MEI1: variants seen among roughly 807,000 people sequenced by gnomAD.
MEI1 encodes the protein meiosis inhibitor protein 1.
MEI1 carries 103 observed loss-of-function variants against 146.2 expected under a neutral mutation model. That is an observed-to-expected ratio of 0.70 (90% CI 0.60 to 0.83). The LOEUF is 0.83. MEI1 is among the 40% of genes least tolerant of loss of function. The pLI, the probability that MEI1 is intolerant of heterozygous loss-of-function variation, is 0.00. For missense variants in MEI1, 1,529 were observed against 1,533.0 expected (o/e 1.00, Z 0.04); for synonymous variants, 652 against 628.2 (o/e 1.04, Z -0.57).
intron 3 of MEI1, among the ~76,000 whole-genome samples, chr22:41,710,226 A>T (rs952306803): frequency 6.6e-6 from 1 of 152,156 alleles, no homozygotes; most frequent in African/African-American, 2.4e-5. Flanking sequence ...GCAAGCCAGG[A>T]AGAGAGGCCT....
rs539346432 is a variant in MEI1, at chr22:41,753,942, C to T, written c.1854-7C>T. 2 of 1,592,014 alleles carry T rather than the reference C, an allele frequency of 1.3e-6. No homozygotes were observed. The highest frequency in any genetic ancestry group is 1.1e-5 in the South Asian group (1 of 90,636). On this transcript the variant is annotated splice_region_variant and splice_polypyrimidine_tract_variant and intron_variant, in intron 16 of 30. Coordinates refer to ENST00000401548, the MANE Select transcript of MEI1 (RefSeq NM_152513.4). ...TCTCTTCTATTCTTTCTTCTTCTCC[C>T]TCTAAGTCACTCAGCCCTAAACCAG...
chr22:41,762,481 C>T (rs1405146335), intron 18 of MEI1, among the ~76,000 whole-genome samples: 1 of 151,836 alleles, frequency 6.6e-6, no homozygotes, highest in Non-Finnish European at 1.5e-5. Flanking sequence ...CTCCAGCGAT[C>T]CTCCCATCTC....
chr22:41,703,654 T>G (rs1055903720), intron 2 of MEI1, among the ~76,000 whole-genome samples, 200 bp downstream of exon 2: 1 of 152,202 alleles, frequency 6.6e-6, no homozygotes, highest in South Asian at 2.1e-4. Flanking sequence ...CTGACTTTAC[T>G]AGAGCCAAGA....
intron 24 of MEI1, 140 bp downstream of exon 24, chr22:41,781,985 T>G (rs1602132909): frequency 2.2e-6 from 2 of 904,454 alleles, no homozygotes; most frequent in Non-Finnish European, 3.3e-6. Context: ...GAGCTCAGTT[T>G]CCTTTCCTAC....
At chr22:41,735,360 G>C (rs1265037017) in intron 11 of MEI1, among the ~76,000 whole-genome samples, 1 of 145,544 alleles carries the variant, frequency 6.9e-6, no homozygotes, top group African/African-American at 2.5e-5. Flanking sequence ...ACAGCCTCCC[G>C]AGTAGCTGGG....
intron 18 of MEI1, among the ~76,000 whole-genome samples, chr22:41,760,513 A>G (rs4401299): frequency 0.64 from 96,938 of 151,716 alleles, 34,121 homozygotes; most frequent in East Asian, 0.92. Flanking sequence ...TGTCTCAAAA[A>G]ATAAATAATT....
intron 30 of MEI1, among the ~76,000 whole-genome samples, chr22:41,798,563 C>G (rs4581989): frequency 0.74 from 110,693 of 150,164 alleles, 41,263 homozygotes; most frequent in African/African-American, 0.84. Flanking sequence ...GGGCAACAGA[C>G]CAAGACTCCG....
intron 16 of MEI1, 95 bp from the exon 17 acceptor site, chr22:41,753,853 AC>A (rs2073929443): frequency 1.1e-6 from 1 of 876,590 alleles, no homozygotes; most frequent in East Asian, 2.4e-5. Context: ...AGCCTCTGGC[AC>A]AAAGCAGTGG....
chr22:41,750,359 G>C (rs1467621090), intron 15 of MEI1, among the ~76,000 whole-genome samples: 2 of 152,188 alleles, frequency 1.3e-5, no homozygotes, highest in Non-Finnish European at 2.9e-5. Flanking sequence ...GAGTGTGAAA[G>C]GCATCCCAGA....
At chr22:41,732,693 G>T in intron 11 of MEI1, 90 bp downstream of exon 11, 1 of 1,383,800 alleles carries the variant, frequency 7.2e-7, no homozygotes, top group South Asian at 1.4e-5. Context: ...AGTATCCCTA[G>T]ATTACTTATA....
chr22:41,760,657 T>C (rs1298346195), intron 18 of MEI1, among the ~76,000 whole-genome samples: 1 of 152,152 alleles, frequency 6.6e-6, no homozygotes, highest in Non-Finnish European at 1.5e-5. Context: ...AAATCTGAGC[T>C]CTCCAAGTGC....
Position 41,776,239 on chromosome 22 carries a change from A to G in MEI1, c.2682A>G (p.Leu894=). Residue 894 remains leucine, a synonymous_variant, in exon 21 of 31, where the codon CTA becomes CTG. Coordinates refer to ENST00000401548, the MANE Select transcript of MEI1 (RefSeq NM_152513.4). ...TCCTGCTGATCCTGCAGCGTCTGCTAGTGGAGCATGGGGCATCCCCATCAG... is the reference window on the plus strand; with the variant it reads ...TCCTGCTGATCCTGCAGCGTCTGCTGGTGGAGCATGGGGCATCCCCATCAG... ...GHFLLILQRL[L]VEHGASPSGA... The G allele has an allele frequency of 6.2e-7, 1 of 1,613,822 alleles. No individual in the cohort carries two copies. The highest frequency in any genetic ancestry group is 8.5e-7 in the Non-Finnish European group (1 of 1,179,852).
At chr22:41,735,741 A>T (rs913626507) in intron 11 of MEI1, among the ~76,000 whole-genome samples, 1 of 152,162 alleles carries the variant, frequency 6.6e-6, no homozygotes, top group East Asian at 1.9e-4. Flanking sequence ...AGGTAACTGT[A>T]TCTGTTGACT....
intron 9 of MEI1, 50 bp downstream of exon 9, chr22:41,730,687 T>G (rs577862497): frequency 1.6e-6 from 2 of 1,238,752 alleles, no homozygotes; most frequent in Non-Finnish European, 2.4e-6. Context: ...GACGGCAGTT[T>G]GCACTTGGGT....
chr22:41,737,728 G>A (rs998099912), intron 11 of MEI1, among the ~76,000 whole-genome samples: 4 of 151,842 alleles, frequency 2.6e-5, no homozygotes, highest in East Asian at 3.9e-4. Context: ...TTTGTACCCC[G>A]CCTCCCCCCA....
At chr22:41,777,063 C>A (rs1211393167) in intron 21 of MEI1, among the ~76,000 whole-genome samples, 2 of 152,032 alleles carry the variant, frequency 1.3e-5, no homozygotes, top group Non-Finnish European at 2.9e-5. Context: ...GTGATCCGCC[C>A]ACCTCAGCCT....
At chr22:41,759,188 T>G (rs561558431) in intron 18 of MEI1, among the ~76,000 whole-genome samples, 26 of 151,844 alleles carry the variant, frequency 1.7e-4, no homozygotes, top group African/African-American at 6.3e-4. Context: ...TGTTCTTTCT[T>G]AAGCTGTAAG....
At chr22:41,742,430 C>T (rs144387608) in intron 11 of MEI1, among the ~76,000 whole-genome samples, 27 of 152,280 alleles carry the variant, frequency 1.8e-4, no homozygotes, top group African/African-American at 4.6e-4. Context: ...CTCTCCTCTG[C>T]GAGAAAACCT....
At position 41,732,269 on chromosome 22, in the gene MEI1, T is replaced by C; in HGVS notation, c.1121T>C (p.Leu374Pro). Residue 374 changes from leucine to proline, a missense_variant, in exon 10 of 31, where the codon CTG becomes CCG. Transcript: ENST00000401548. ...VYGIEAVVRS[L>P]QGSLKMNNIE... ...GGGATCGAGGCAGTGGTGAGGAGCC[T>C]GCAGGGAAGCCTGAAGATGAACAAC... The C allele has an allele frequency of 6.2e-7, 1 of 1,611,508 alleles. No homozygotes were observed. The highest frequency in any genetic ancestry group is 8.5e-7 in the Non-Finnish European group (1 of 1,179,018).
Sources: gnomAD v4.1 joint callset for allele counts (sites outside exome capture counted in the v4.1 genomes callset) on GRCh38, gnomAD v4.1.1 for gene constraint, MANE v1.5 for transcripts, NCBI Gene and HGNC (gene_info 2026-07-23, HGNC 2026-07-21) for gene names.